ZFPM2: variants seen among roughly 807,000 people sequenced by gnomAD.
The protein encoded by ZFPM2 is zinc finger protein, FOG family member 2, also known as zinc finger protein ZFPM2.
A neutral mutation model predicts 98.6 loss-of-function variants in ZFPM2; 20 were observed. That is an observed-to-expected ratio of 0.20 (90% CI 0.14 to 0.29). The LOEUF (loss-of-function observed/expected upper bound fraction) is 0.29. ZFPM2 is among the 10% of genes least tolerant of loss of function. ZFPM2 has a pLI of 1.00. For synonymous variants in ZFPM2, 518 were observed against 502.7 expected (o/e 1.03, Z -0.41); for missense variants, 1,310 against 1,388.6 (o/e 0.94, Z 0.90).
intron 5 of ZFPM2, among the ~76,000 whole-genome samples, chr8:105,772,129 G>A (rs181861355): frequency 1.6e-4 from 24 of 152,218 alleles, no homozygotes; most frequent in African/African-American, 5.1e-4. Context: ...AAACCTTAAA[G>A]GTTAAGACCA....
At chr8:105,678,474 T>G (rs141913525) in intron 5 of ZFPM2, 3 of 152,300 alleles carry the variant, frequency 2.0e-5, no homozygotes, top group African/African-American at 4.8e-5. Flanking sequence ...ATTGTCTCTG[T>G]TTTAGAAATG....
At chr8:105,373,312 A>G (rs1283837763) in intron 1 of ZFPM2, among the ~76,000 whole-genome samples, 1 of 152,228 alleles carries the variant, frequency 6.6e-6, no homozygotes, top group East Asian at 1.9e-4. Flanking sequence ...CTCAGCAGGT[A>G]CATCAAGAAA....
At chr8:105,755,132 A>G (rs1056690084) in intron 5 of ZFPM2, among the ~76,000 whole-genome samples, 1 of 152,162 alleles carries the variant, frequency 6.6e-6, no homozygotes, top group African/African-American at 2.4e-5. Context: ...TGAAAATGAA[A>G]CTTGATTTTC....
chr8:105,554,323 G>A (rs1467665503), intron 3 of ZFPM2, among the ~76,000 whole-genome samples: 2 of 152,180 alleles, frequency 1.3e-5, no homozygotes, highest in African/African-American at 4.8e-5. Flanking sequence ...GCAGTGAAAT[G>A]ATCTAACCCT....
At chr8:105,752,148 T>C (rs1401379156) in intron 5 of ZFPM2, among the ~76,000 whole-genome samples, 3 of 152,144 alleles carry the variant, frequency 2.0e-5, no homozygotes, top group African/African-American at 4.8e-5. Flanking sequence ...ACTGTATTCA[T>C]AATGTACTGC....
At chr8:105,673,645 C>T (rs1817638469) in intron 5 of ZFPM2, among the ~76,000 whole-genome samples, 2 of 152,128 alleles carry the variant, frequency 1.3e-5, no homozygotes, top group Non-Finnish European at 2.9e-5. Context: ...ATTTTTAAAA[C>T]TTAACTTTTT....
intron 5 of ZFPM2, among the ~76,000 whole-genome samples, chr8:105,720,981 A>G (rs1811649371): frequency 6.6e-6 from 1 of 151,936 alleles, no homozygotes; most frequent in African/African-American, 2.4e-5. Flanking sequence ...AGAAAGTCGA[A>G]AAAACTAGTA....
chr8:105,662,869 G>C (rs1323565830), intron 5 of ZFPM2: 1 of 152,026 alleles, frequency 6.6e-6, no homozygotes, highest in Non-Finnish European at 1.5e-5. Context: ...CTAGTTTTTG[G>C]TGTGCCTGTG....
chr8:105,364,809 C>T lies in ZFPM2; in HGVS notation c.40+45828C>T, dbSNP rs550061646. On this transcript the variant is annotated intron_variant, in intron 1 of 7. Coordinates refer to ENST00000407775, the MANE Select transcript of ZFPM2 (RefSeq NM_012082.4). ...TCACTTAGACAGCAACCAGCTCGAACGGACAATCCATTTCTTGTGTAGTGC... is the reference window on the plus strand; with the variant it reads ...TCACTTAGACAGCAACCAGCTCGAATGGACAATCCATTTCTTGTGTAGTGC... Among the ~76,000 whole-genome samples the T allele has an allele frequency of 2.5e-3, 384 of 152,188 alleles. 1 individual carries two copies. The highest frequency in any genetic ancestry group is 8.7e-3 in the African/African-American group (363 of 41,542).
chr8:105,732,497 G>A (rs540809291), intron 5 of ZFPM2, among the ~76,000 whole-genome samples: 4 of 151,830 alleles, frequency 2.6e-5, no homozygotes, highest in South Asian at 2.1e-4. Flanking sequence ...TTCCACATGC[G>A]AACATTCAAA....
At chr8:105,352,676 T>C (rs1438705029) in intron 1 of ZFPM2, among the ~76,000 whole-genome samples, 1 of 152,152 alleles carries the variant, frequency 6.6e-6, no homozygotes, top group Non-Finnish European at 1.5e-5. Context: ...AGAAGTTTGC[T>C]TTCTGGTTAT....
At chr8:105,597,162 T>A (rs1045043573) in intron 4 of ZFPM2, among the ~76,000 whole-genome samples, 17 of 152,024 alleles carry the variant, frequency 1.1e-4, no homozygotes, top group African/African-American at 4.1e-4. Context: ...CAAATGAATG[T>A]TAGGGCCCTG....
At chr8:105,364,272 G>T (rs2129777140) in intron 1 of ZFPM2, among the ~76,000 whole-genome samples, 1 of 152,080 alleles carries the variant, frequency 6.6e-6, no homozygotes, top group African/African-American at 2.4e-5. Flanking sequence ...TGGTTGATTG[G>T]GGGAGGGGAG....
chr8:105,606,141 T>G (rs539426681), intron 4 of ZFPM2, among the ~76,000 whole-genome samples: 1 of 152,192 alleles, frequency 6.6e-6, no homozygotes, highest in Non-Finnish European at 1.5e-5. Context: ...AACAACAAAA[T>G]AGCAGAAATG....
At chr8:105,665,989 A>C (rs888861930) in intron 5 of ZFPM2, among the ~76,000 whole-genome samples, 1 of 152,232 alleles carries the variant, frequency 6.6e-6, no homozygotes, top group African/African-American at 2.4e-5. Flanking sequence ...ATTCAAAATT[A>C]AGGAGATGCT....
At chr8:105,469,381 A>C (rs1378838184) in intron 3 of ZFPM2, among the ~76,000 whole-genome samples, 1 of 151,616 alleles carries the variant, frequency 6.6e-6, no homozygotes, top group Admixed American at 6.6e-5. Context: ...TCCCCTTTCT[A>C]TCTCTCAATC....
At chr8:105,569,401 G>A (rs150534263) in intron 4 of ZFPM2, among the ~76,000 whole-genome samples, 19 of 152,174 alleles carry the variant, frequency 1.2e-4, no homozygotes, top group South Asian at 6.2e-4. Flanking sequence ...TGTCTGTTTC[G>A]TCTGTGATCT....
At chr8:105,783,210 G>GTTT (rs753557703) in intron 5 of ZFPM2, among the ~76,000 whole-genome samples, 34 of 88,934 alleles carry the variant, frequency 3.8e-4, no homozygotes, top group South Asian at 8.8e-4. Flanking sequence ...TTTCTTTATG[G>GTTT]TTTTTTTTTT....
At chr8:105,485,862 AC>A (rs1813221250) in intron 3 of ZFPM2, among the ~76,000 whole-genome samples, 1 of 152,156 alleles carries the variant, frequency 6.6e-6, no homozygotes. Flanking sequence ...CAGGAGGAAA[AC>A]TAGAAGAAGC....
Sources: gnomAD v4.1 joint callset for allele counts (sites outside exome capture counted in the v4.1 genomes callset) on GRCh38, gnomAD v4.1.1 for gene constraint, MANE v1.5 for transcripts, NCBI Gene and HGNC (gene_info 2026-07-23, HGNC 2026-07-21) for gene names.